ZC4H2: variants seen among roughly 807,000 people sequenced by gnomAD.
ZC4H2 encodes the protein zinc finger C4H2-type containing, also known as zinc finger C4H2 domain-containing protein.
For missense variants in ZC4H2, 137 were observed against 173.9 expected, an observed-to-expected ratio of 0.79 and a Z score of 1.19; for synonymous variants, 84 against 66.3, an observed-to-expected ratio of 1.27 and a Z score of -1.30.
intron 1 of ZC4H2, among the ~76,000 whole-genome samples, chrX:64,962,399 G>C (rs1170776056): frequency 4.5e-5 from 5 of 110,876 alleles, no homozygotes; most frequent in East Asian, 2.8e-4. Flanking sequence ...AAAAATAGAA[G>C]GAAATTACCT....
At chrX:64,936,644 A>C (rs1021871104) in intron 1 of ZC4H2, among the ~76,000 whole-genome samples, 5 of 110,426 alleles carry the variant, frequency 4.5e-5, no homozygotes, top group African/African-American at 1.6e-4. Flanking sequence ...AAAGAATTTT[A>C]AACCCAGAAT....
rs777562741 is a variant in ZC4H2 at position 64,954,356 on chromosome X, T to TTATATATATATA, written c.53+21957_53+21968dup. ...TATATATAATTATATATATATATAA[T>TTATATATATATA]TATATATATATATATAATTATATAT... On this transcript the variant is annotated intron_variant, in intron 1 of 4. Coordinates refer to ENST00000374839, the MANE Select transcript of ZC4H2 (RefSeq NM_018684.4). 5.9e-4 allele frequency among the ~76,000 whole-genome samples: 40 copies of TTATATATATATA among 67,364 alleles called. 3 individuals carry two copies. Among genetic ancestry groups the TTATATATATATA allele is most frequent in the Middle Eastern group, 6.1e-3 (1 of 163 alleles). The allele number at this position is 67,364 out of a possible 115,157, so 58.5% of individuals were successfully genotyped here.
intron 1 of ZC4H2, among the ~76,000 whole-genome samples, chrX:64,961,329 C>G (rs1000120617): frequency 4.5e-5 from 5 of 111,455 alleles, no homozygotes; most frequent in African/African-American, 1.3e-4. Context: ...ATTTCTATTA[C>G]TATTTCTGGA....
At position 64,927,447 on chromosome X, in the gene ZC4H2, C is replaced by A. The variant is rs370987563; in HGVS notation, c.54-5459G>T. On this transcript the variant is annotated intron_variant, in intron 1 of 4. Coordinates refer to ENST00000374839, the MANE Select transcript of ZC4H2 (RefSeq NM_018684.4). ...GTTTCCAGCTTCATCCATGTCCCTG[C>A]AAAGGACATAAACTCATCCATTTTT... Among the ~76,000 whole-genome samples the A allele has an allele frequency of 2.4e-4, 27 of 111,626 alleles. No individual in the cohort carries two copies. The East Asian group carries it at 7.6e-3, about 31-fold the overall frequency.
intron 1 of ZC4H2, among the ~76,000 whole-genome samples, chrX:64,972,074 T>G (rs1434218582): frequency 3.6e-5 from 4 of 111,858 alleles, no homozygotes; most frequent in African/African-American, 6.5e-5. Context: ...TCCCTTCTTT[T>G]GTTCCATTCT....
At chrX:64,955,032 G>A (rs1011346313) in intron 1 of ZC4H2, among the ~76,000 whole-genome samples, 15 of 111,452 alleles carry the variant, frequency 1.3e-4, no homozygotes, top group African/African-American at 4.9e-4. Context: ...TTCCTGAGTC[G>A]TTAAAGCTTT....
intron 1 of ZC4H2, among the ~76,000 whole-genome samples, chrX:65,031,867 G>A: frequency 8.9e-6 from 1 of 112,323 alleles, no homozygotes; most frequent in Non-Finnish European, 1.9e-5. Context: ...TCTGTTGGAA[G>A]AATTCAATTA....
chrX:64,943,451 A>T (rs1569209944), intron 1 of ZC4H2, among the ~76,000 whole-genome samples: 1 of 111,219 alleles, frequency 9.0e-6, no homozygotes, highest in Non-Finnish European at 1.9e-5. Context: ...TCCCATGATT[A>T]TTGTGTGGAA....
chrX:64,988,284 G>C (rs1932234280), intron 1 of ZC4H2, among the ~76,000 whole-genome samples: 1 of 111,213 alleles, frequency 9.0e-6, no homozygotes, highest in Non-Finnish European at 1.9e-5. Context: ...GGTATTTCTA[G>C]TTCTAGAACC....
At chrX:64,994,224 G>C (rs1391219859) in intron 1 of ZC4H2, among the ~76,000 whole-genome samples, 1 of 111,345 alleles carries the variant, frequency 9.0e-6, no homozygotes, top group Admixed American at 9.5e-5. Context: ...TCACAACAAT[G>C]CTATGAATTA....
chrX:65,002,331 G>T (rs113568806), intron 1 of ZC4H2, among the ~76,000 whole-genome samples: 1 of 109,102 alleles, frequency 9.2e-6, no homozygotes, highest in South Asian at 3.9e-4. Flanking sequence ...CCAGCCAGCC[G>T]CCCCGTCCGG....
chrX:64,996,472 G>T (rs898582898), intron 1 of ZC4H2, among the ~76,000 whole-genome samples: 3 of 110,726 alleles, frequency 2.7e-5, no homozygotes, highest in Non-Finnish European at 5.7e-5. Context: ...GGAAAAGAAA[G>T]CTTATTCAAA....
At chrX:64,979,638 C>A (rs1602435557), upstream of ZC4H2, among the ~76,000 whole-genome samples, 1 of 111,771 alleles carries the variant, frequency 8.9e-6, no homozygotes, top group Non-Finnish European at 1.9e-5. Context: ...TCTTCTGAAG[C>A]AGCACTTAAA....
intron 1 of ZC4H2, among the ~76,000 whole-genome samples, chrX:65,031,807 T>C (rs937082437): frequency 1.8e-5 from 2 of 112,241 alleles, no homozygotes; most frequent in African/African-American, 3.2e-5. Context: ...ACCATTTGTC[T>C]TTCAGGAAGA....
chrX:65,005,024 G>A (rs1052882620), intron 1 of ZC4H2, among the ~76,000 whole-genome samples: 15 of 111,331 alleles, frequency 1.3e-4, no homozygotes, highest in African/African-American at 4.9e-4. Context: ...AAACTTCAAA[G>A]GGATGTGAAG....
intron 1 of ZC4H2, among the ~76,000 whole-genome samples, chrX:65,010,665 T>A (rs1235817923): frequency 8.9e-6 from 1 of 111,973 alleles, no homozygotes; most frequent in Non-Finnish European, 1.9e-5. Flanking sequence ...GCTTTATCTT[T>A]TAGACTGAGT....
chrX:64,977,449 G>C (rs372131729), upstream of ZC4H2, among the ~76,000 whole-genome samples: 5 of 111,873 alleles, frequency 4.5e-5, 1 homozygote, highest in East Asian at 8.4e-4. Context: ...AGACTAAAGG[G>C]TTTGGACTTA....
chrX:64,996,772 A>T (rs1932422465), intron 1 of ZC4H2, among the ~76,000 whole-genome samples: 1 of 111,219 alleles, frequency 9.0e-6, no homozygotes, highest in Non-Finnish European at 1.9e-5. Context: ...AAGATAGGAC[A>T]ACTGGAAGTA....
chrX:64,957,537 A>C (rs1931203061), intron 1 of ZC4H2, among the ~76,000 whole-genome samples: 1 of 111,004 alleles, frequency 9.0e-6, no homozygotes, highest in South Asian at 3.7e-4. Flanking sequence ...TTATTTATTT[A>C]TTTTTACTTT....
Sources: allele counts gnomAD v4.1 joint callset (sites outside exome capture counted in the v4.1 genomes callset), GRCh38; gene constraint gnomAD v4.1.1; transcripts MANE v1.5; gene names NCBI Gene and HGNC (gene_info 2026-07-23, HGNC 2026-07-21).